OR5L1: variants seen among roughly 807,000 people sequenced by gnomAD.
OR5L1 encodes olfactory receptor family 5 subfamily L member 1, also known as olfactory receptor 5L1.
For synonymous variants in OR5L1, 197 were observed against 146.6 expected, an observed-to-expected ratio of 1.34 and a Z score of -2.49; for missense variants, 398 against 365.8, an observed-to-expected ratio of 1.09 and a Z score of -0.72.
In OR5L1 at chr11:55,811,493, G is replaced by C. The variant is rs1413654454; in HGVS notation, c.27G>C (p.Val9=). The C allele has an allele frequency of 1.2e-6, 2 of 1,613,484 alleles. No homozygotes were observed. The highest frequency in any genetic ancestry group is 1.7e-5 in the Admixed American group (1 of 59,968). MGKENCTT[V]AEFILLGLSD... ...TGGGCAAGGAAAACTGCACCACTGTGGCTGAGTTCATTCTCCTTGGACTAT... is the reference window on the plus strand; with the variant it reads ...TGGGCAAGGAAAACTGCACCACTGTCGCTGAGTTCATTCTCCTTGGACTAT... Residue 9 remains valine, a synonymous_variant, in exon 1 of 1, where the codon GTG becomes GTC. Coordinates refer to ENST00000625203, the MANE Select transcript of OR5L1 (RefSeq NM_001004738.2).
In OR5L1 at chr11:55,812,448, C is replaced by T. The variant is rs199917722; in HGVS notation, c.*46C>T. The T allele has an allele frequency of 9.8e-3, 13,137 of 1,341,056 alleles. 90 individuals carry two copies. Among genetic ancestry groups the T allele is most frequent in the Non-Finnish European group, 0.013 (12,193 of 957,824 alleles). 83.1% of individuals were successfully genotyped at this position (1,341,056 alleles called of 1,614,324 possible). On this transcript the variant is annotated 3_prime_UTR_variant, in exon 1 of 1. Transcript: ENST00000625203. ...TTCAGGATTCCCAAGTAGTGGCAGG[C>T]GGGGGTTCACGGGAGAGGCACAGTG...
Position 55,811,932 on chromosome 11 carries a change from T to C in OR5L1, c.466T>C (p.Ser156Pro). Residue 156 changes from serine to proline, a missense_variant, in exon 1 of 1, where the codon TCT becomes CCT. Coordinates refer to ENST00000625203, the MANE Select transcript of OR5L1 (RefSeq NM_001004738.2). The part of the protein sequence containing the change: ...SCCYFCGTVC[S>P]LIHLCLALRI... ...CTGCTACTTCTGTGGGACGGTGTGTTCTCTGATTCATTTGTGCTTAGCTCT... is the reference window on the plus strand; with the variant it reads ...CTGCTACTTCTGTGGGACGGTGTGTCCTCTGATTCATTTGTGCTTAGCTCT... 1 of 1,613,946 alleles carries C rather than the reference T, an allele frequency of 6.2e-7. No individual in the cohort carries two copies. The highest frequency in any genetic ancestry group is 8.5e-7 in the Non-Finnish European group (1 of 1,180,000).
In OR5L1 at chr11:55,811,733, C is replaced by A. The variant is rs1268495520; in HGVS notation, c.267C>A (p.Asp89Glu). ...PKMLANIFNK[D>E]KAISFLGCMV... ...TGTTGGCTAATATCTTTAACAAGGA[C>A]AAAGCCATCTCCTTCCTAGGGTGCA... The change falls in exon 1 of 1, where the codon GAC becomes GAA. Residue 89 changes from aspartate (D) to glutamate (E), a missense_variant. Physicochemically the swap from Asp to Glu is conservative, Grantham distance 45. Coordinates refer to ENST00000625203, the MANE Select transcript of OR5L1 (RefSeq NM_001004738.2). The A allele has an allele frequency of 6.2e-7, 1 of 1,614,080 alleles. No homozygotes were observed. The highest frequency in any genetic ancestry group is 1.7e-5 in the Admixed American group (1 of 60,014).
rs138368201 is a variant in OR5L1 at position 55,811,888 on chromosome 11, G to T, written c.422G>T (p.Arg141Leu). The T allele has an allele frequency of 1.9e-6, 3 of 1,613,828 alleles. No homozygotes were observed. The highest frequency in any genetic ancestry group is 2.7e-5 in the African/African-American group (2 of 74,750). Reference sequence around the variant, plus strand: ...ACAGTCACCATGTCTTGGAAGGTGCGTGTGGAGCTGGCTTCTTGCTGCTAC... The same window carrying T: ...ACAGTCACCATGTCTTGGAAGGTGCTTGTGGAGCTGGCTTCTTGCTGCTAC... ...LYTVTMSWKV[R>L]VELASCCYFC... Residue 141 changes from arginine (R) to leucine (L), a missense_variant, in exon 1 of 1, where the codon CGT (arginine) becomes CTT (leucine). Physicochemically the swap from Arg to Leu is moderately radical, Grantham distance 102. Transcript: ENST00000625203.
In OR5L1 at chr11:55,811,465, A is replaced by T. The variant is rs887907024; in HGVS notation, c.-2A>T. 1 of 1,608,960 alleles carries T rather than the reference A, an allele frequency of 6.2e-7. No individual in the cohort carries two copies. Among genetic ancestry groups the T allele is most frequent in the Non-Finnish European group, 8.5e-7 (1 of 1,177,276 alleles). ...TCCTCCAATCTCATATAAATTGGAG[A>T]CATGGGCAAGGAAAACTGCACCACT... On this transcript the variant is annotated 5_prime_UTR_variant, in exon 1 of 1. Transcript: ENST00000625203.
At position 55,811,605 on chromosome 11, in the gene OR5L1, G is replaced by A. The variant is rs750402694; in HGVS notation, c.139G>A (p.Ala47Thr). The change falls in exon 1 of 1, where the codon GCA becomes ACA. Residue 47 changes from alanine (A) to threonine (T), a missense_variant. Physicochemically the swap from Ala to Thr is moderately conservative, Grantham distance 58. Transcript: ENST00000625203. The stretch of plus-strand genomic sequence containing the variant: ...GTTGTTAGCCAACCTGGGCATGATT[G>A]CACTGATTCAGGTCAGCTCTCGGCT... ...VTLLANLGMI[A>T]LIQVSSRLHT... The A allele has an allele frequency of 1.9e-6, 3 of 1,613,826 alleles. No individual in the cohort carries two copies. The highest frequency in any genetic ancestry group is 1.3e-5 in the African/African-American group (1 of 74,740).
chr11:55,811,519 C>T lies in OR5L1; in HGVS notation c.53C>T (p.Ser18Leu), dbSNP rs1352448913. Residue 18 changes from serine to leucine, a missense_variant, in exon 1 of 1, where the codon TCA becomes TTA. Ser to Leu is a moderately radical substitution (Grantham distance 145, BLOSUM62 -2). Transcript: ENST00000625203. ...GCTGAGTTCATTCTCCTTGGACTAT[C>T]AGATGTCCCTGAGTTGAGAGTCTGC... ...TVAEFILLGL[S>L]DVPELRVCLF... 9 of 1,613,838 alleles carry T rather than the reference C, an allele frequency of 5.6e-6. No individual in the cohort carries two copies. The highest frequency in any genetic ancestry group is 7.6e-6 in the Non-Finnish European group (9 of 1,180,022).
In OR5L1 at chr11:55,812,298, T is replaced by C; in HGVS notation, c.832T>C (p.Tyr278His). 1 of 1,613,744 alleles carries C rather than the reference T, an allele frequency of 6.2e-7. No homozygotes were observed. The highest frequency in any genetic ancestry group is 8.5e-7 in the Non-Finnish European group (1 of 1,179,794). The change falls in exon 1 of 1, where the codon TAC becomes CAC. Residue 278 changes from tyrosine (Y) to histidine (H), a missense_variant. Transcript: ENST00000625203. ...GDADKVATVFYTVVIPMLNSV... is the reference protein window; with the variant it reads ...GDADKVATVFHTVVIPMLNSV... ...TGCTGACAAAGTGGCCACCGTGTTC[T>C]ACACAGTCGTGATTCCTATGCTGAA... is the stretch of plus-strand genomic sequence containing the variant.
In OR5L1 at chr11:55,812,110, T is replaced by G; in HGVS notation, c.644T>G (p.Leu215Arg). The G allele has an allele frequency of 6.2e-7, 1 of 1,614,024 alleles. No homozygotes were observed. The highest frequency in any genetic ancestry group is 8.5e-7 in the Non-Finnish European group (1 of 1,180,026). ...GAGAGTGTTACCATCATGATCATCC[T>G]CACCTCCTACCTGCTAATTCTCACC... ...LNESVTIMIILTSYLLILTTI... is the reference protein window; with the variant it reads ...LNESVTIMIIRTSYLLILTTI... The change falls in exon 1 of 1, where the codon CTC becomes CGC. Residue 215 changes from leucine to arginine, a missense_variant. By Grantham distance (102) the Leu-to-Arg change is moderately radical (BLOSUM62 -2). Coordinates refer to ENST00000625203, the MANE Select transcript of OR5L1 (RefSeq NM_001004738.2).
rs1349222175 is a variant in OR5L1, at chr11:55,812,230, T to C, written c.764T>C (p.Val255Ala). ...LTAITVFHGT[V>A]LSIYCRPSSG... is the part of the protein sequence containing the mutation. Reference sequence around the variant, plus strand: ...GCTATCACTGTCTTCCATGGAACAGTCCTTTCCATTTATTGCAGGCCCAGT... The same window carrying C: ...GCTATCACTGTCTTCCATGGAACAGCCCTTTCCATTTATTGCAGGCCCAGT... The change falls in exon 1 of 1, where the codon GTC becomes GCC. Residue 255 changes from valine (V) to alanine (A), a missense_variant. Transcript: ENST00000625203. 1 of 1,613,904 alleles carries C rather than the reference T, an allele frequency of 6.2e-7. No homozygotes were observed. Among genetic ancestry groups the C allele is most frequent in the Non-Finnish European group, 8.5e-7 (1 of 1,179,998 alleles).
Position 55,811,911 on chromosome 11 carries a change from T to G in OR5L1, c.445T>G (p.Tyr149Asp), listed in dbSNP as rs1213493977. The part of the protein sequence containing the change: ...KVRVELASCC[Y>D]FCGTVCSLIH... The stretch of plus-strand genomic sequence containing the variant: ...GCGTGTGGAGCTGGCTTCTTGCTGC[T>G]ACTTCTGTGGGACGGTGTGTTCTCT... Residue 149 changes from tyrosine (Y) to aspartate (D), a missense_variant, in exon 1 of 1, where the codon TAC becomes GAC. Tyr to Asp is a radical substitution (Grantham distance 160). Transcript: ENST00000625203. 2.5e-6 allele frequency: 4 copies of G among 1,614,008 alleles called. No individual in the cohort carries two copies. The East Asian group carries it at 6.7e-5, about 27-fold the overall frequency.
Position 55,812,246 on chromosome 11 carries a change from C to T in OR5L1, c.780C>T (p.Cys260=), listed in dbSNP as rs759953541. The change falls in exon 1 of 1, where the codon TGC becomes TGT. Residue 260 remains cysteine (C), a synonymous_variant. Coordinates refer to ENST00000625203, the MANE Select transcript of OR5L1 (RefSeq NM_001004738.2). ...VFHGTVLSIY[C]RPSSGNSGDA... is the part of the protein sequence containing the mutation. ...ATGGAACAGTCCTTTCCATTTATTGCAGGCCCAGTTCAGGCAATAGTGGAG... is the reference window on the plus strand; with the variant it reads ...ATGGAACAGTCCTTTCCATTTATTGTAGGCCCAGTTCAGGCAATAGTGGAG... The T allele has an allele frequency of 1.2e-6, 2 of 1,613,950 alleles. No homozygotes were observed. The highest frequency in any genetic ancestry group is 8.5e-7 in the Non-Finnish European group (1 of 1,180,032).
chr11:55,812,238 A>G lies in OR5L1; in HGVS notation c.772A>G (p.Ile258Val). 6.2e-7 allele frequency: 1 copy of G among 1,613,836 alleles called. No individual in the cohort carries two copies. The highest frequency in any genetic ancestry group is 8.5e-7 in the Non-Finnish European group (1 of 1,180,006). ...ITVFHGTVLSIYCRPSSGNSG... is the reference protein window; with the variant it reads ...ITVFHGTVLSVYCRPSSGNSG... ...TGTCTTCCATGGAACAGTCCTTTCC[A>G]TTTATTGCAGGCCCAGTTCAGGCAA... The change falls in exon 1 of 1, where the codon ATT becomes GTT. Residue 258 changes from isoleucine to valine, a missense_variant. Ile to Val is a conservative substitution (Grantham distance 29). Transcript: ENST00000625203.
rs759999824 is a variant in OR5L1 at position 55,811,867 on chromosome 11, T to A, written c.401T>A (p.Val134Asp). The change falls in exon 1 of 1, where the codon GTC becomes GAC. Residue 134 changes from valine to aspartate, a missense_variant. Val to Asp is a radical substitution (Grantham distance 152, BLOSUM62 -3). Transcript: ENST00000625203. The stretch of plus-strand genomic sequence containing the variant: ...ATCTGTAACCCTTTGCTATACACAG[T>A]CACCATGTCTTGGAAGGTGCGTGTG... The part of the protein sequence containing the change: ...VAICNPLLYT[V>D]TMSWKVRVEL... 9.3e-6 allele frequency: 15 copies of A among 1,613,852 alleles called. No homozygotes were observed. The Admixed American group carries it at 2.5e-4, about 27-fold the overall frequency.
In OR5L1 at chr11:55,811,898, G is replaced by T; in HGVS notation, c.432G>T (p.Leu144=). 1 of 1,613,900 alleles carries T rather than the reference G, an allele frequency of 6.2e-7. No homozygotes were observed. The highest frequency in any genetic ancestry group is 8.5e-7 in the Non-Finnish European group (1 of 1,180,010). Residue 144 remains leucine, a synonymous_variant, in exon 1 of 1, where the codon CTG becomes CTT. Coordinates refer to ENST00000625203, the MANE Select transcript of OR5L1 (RefSeq NM_001004738.2). ...VTMSWKVRVE[L]ASCCYFCGTV... is the part of the protein sequence containing the mutation. ...TGTCTTGGAAGGTGCGTGTGGAGCT[G>T]GCTTCTTGCTGCTACTTCTGTGGGA... is the stretch of plus-strand genomic sequence containing the variant.
At position 55,811,718 on chromosome 11, in the gene OR5L1, T is replaced by G; in HGVS notation, c.252T>G (p.Asn84Lys). Residue 84 changes from asparagine (N) to lysine (K), a missense_variant, in exon 1 of 1, where the codon AAT (asparagine) becomes AAG (lysine). Transcript: ENST00000625203. ...TAATTGTGCCAAAAATGTTGGCTAA[T>G]ATCTTTAACAAGGACAAAGCCATCT... ...SSIIVPKMLA[N>K]IFNKDKAISF... 6.2e-7 allele frequency: 1 copy of G among 1,614,102 alleles called. No homozygotes were observed. The highest frequency in any genetic ancestry group is 8.5e-7 in the Non-Finnish European group (1 of 1,180,038).
At position 55,811,925 on chromosome 11, in the gene OR5L1, G is replaced by A. The variant is rs775930509; in HGVS notation, c.459G>A (p.Thr153=). ...ELASCCYFCG[T]VCSLIHLCLA... ...CTTCTTGCTGCTACTTCTGTGGGACGGTGTGTTCTCTGATTCATTTGTGCT... is the reference window on the plus strand; with the variant it reads ...CTTCTTGCTGCTACTTCTGTGGGACAGTGTGTTCTCTGATTCATTTGTGCT... Residue 153 remains threonine (T), a synonymous_variant, in exon 1 of 1, where the codon ACG becomes ACA. Transcript: ENST00000625203. 3.5e-5 allele frequency: 57 copies of A among 1,613,668 alleles called. No individual in the cohort carries two copies. Among genetic ancestry groups the A allele is most frequent in the Non-Finnish European group, 4.2e-5 (50 of 1,179,966 alleles).
In OR5L1 at chr11:55,811,907, C is replaced by T; in HGVS notation, c.441C>T (p.Cys147=). ...AGGTGCGTGTGGAGCTGGCTTCTTG[C>T]TGCTACTTCTGTGGGACGGTGTGTT... ...SWKVRVELAS[C]CYFCGTVCSL... Residue 147 remains cysteine (C), a synonymous_variant, in exon 1 of 1, where the codon TGC becomes TGT. Coordinates refer to ENST00000625203, the MANE Select transcript of OR5L1 (RefSeq NM_001004738.2). The T allele has an allele frequency of 6.2e-7, 1 of 1,613,968 alleles. No individual in the cohort carries two copies. The highest frequency in any genetic ancestry group is 2.2e-5 in the East Asian group (1 of 44,872).
rs763407704 is a variant in OR5L1 at position 55,811,745 on chromosome 11, C to T, written c.279C>T (p.Ser93=). ...ANIFNKDKAI[S]FLGCMVQFYL... Reference sequence around the variant, plus strand: ...TCTTTAACAAGGACAAAGCCATCTCCTTCCTAGGGTGCATGGTGCAATTCT... The same window carrying T: ...TCTTTAACAAGGACAAAGCCATCTCTTTCCTAGGGTGCATGGTGCAATTCT... The change falls in exon 1 of 1, where the codon TCC becomes TCT. Residue 93 remains serine, a synonymous_variant. Coordinates refer to ENST00000625203, the MANE Select transcript of OR5L1 (RefSeq NM_001004738.2). 3.7e-5 allele frequency: 59 copies of T among 1,613,902 alleles called. No individual in the cohort carries two copies. The Admixed American group carries it at 9.8e-4, about 27-fold the overall frequency.
Sources: gnomAD v4.1 joint callset for allele counts on GRCh38, gnomAD v4.1.1 for gene constraint, MANE v1.5 for transcripts, NCBI Gene and HGNC (gene_info 2026-07-23, HGNC 2026-07-21) for gene names.